Variants in YWHAQ observed in about 807,000 individuals in gnomAD.
YWHAQ encodes 14-3-3 protein theta.
A neutral mutation model predicts 28.3 loss-of-function variants in YWHAQ; 6 were observed. The ratio of observed to expected loss-of-function variants is 0.21; its 90% CI spans 0.12 to 0.42. The LOEUF (loss-of-function observed/expected upper bound fraction) is 0.42. Among genes scored for constraint, YWHAQ ranks in the 10% least tolerant of loss-of-function variants. The probability of loss-of-function intolerance (pLI) is 1.00; values close to 1 mark genes in which losing one functional copy is unlikely to be tolerated. For missense variants in YWHAQ, 201 were observed against 305.6 expected, an observed-to-expected ratio of 0.66 and a Z score of 2.55; for synonymous variants, 143 against 119.1, an observed-to-expected ratio of 1.20 and a Z score of -1.31.
chr2:9,622,466 T>C (rs1393798752), intron 2 of YWHAQ, among the ~76,000 whole-genome samples: 1 of 152,212 alleles, frequency 6.6e-6, no homozygotes, highest in Admixed American at 6.5e-5. Context: ...TTATCAATTT[T>C]CCTACTAGTG....
At chr2:9,592,398 T>C (rs1307024339) in intron 2 of YWHAQ, among the ~76,000 whole-genome samples, 1 of 152,004 alleles carries the variant, frequency 6.6e-6, no homozygotes, top group Non-Finnish European at 1.5e-5. Context: ...TCTTCTTAGA[T>C]TCCATTTTTC....
Position 9,588,157 on chromosome 2 carries a change from C to T in YWHAQ, c.582+8G>A. Reference sequence around the variant, plus strand: ...CTAAAGTACGTATTTCCTGGACACACATCTTACCGTTTTAGCCAGCGTGCA... The same window carrying T: ...CTAAAGTACGTATTTCCTGGACACATATCTTACCGTTTTAGCCAGCGTGCA... On this transcript the variant is annotated splice_region_variant and intron_variant, in intron 4 of 5. Coordinates refer to ENST00000238081, the MANE Select transcript of YWHAQ (RefSeq NM_006826.4). The T allele has an allele frequency of 1.9e-6, 3 of 1,540,384 alleles. No individual in the cohort carries two copies. The highest frequency in any genetic ancestry group is 2.6e-6 in the Non-Finnish European group (3 of 1,153,208).
intron 2 of YWHAQ, among the ~76,000 whole-genome samples, chr2:9,627,998 T>C (rs551705284): frequency 6.6e-6 from 1 of 152,362 alleles, no homozygotes; most frequent in African/African-American, 2.4e-5. Context: ...GGGAATATTG[T>C]GGTATTTATG....
At chr2:9,614,759 C>T (rs17362853) in intron 2 of YWHAQ, among the ~76,000 whole-genome samples, 23,524 of 152,102 alleles carry the variant, frequency 0.15, 2,397 homozygotes, top group Middle Eastern at 0.25. Context: ...ATAGAAATTA[C>T]GTCATTATTT....
At chr2:9,590,671 C>G (rs1295312949) in intron 3 of YWHAQ, among the ~76,000 whole-genome samples, 1 of 151,920 alleles carries the variant, frequency 6.6e-6, no homozygotes, top group African/African-American at 2.4e-5. Context: ...TCAAGTTAGG[C>G]AATTCGGTCA....
intron 2 of YWHAQ, among the ~76,000 whole-genome samples, chr2:9,600,845 G>A (rs1489391670): frequency 6.6e-6 from 1 of 152,216 alleles, no homozygotes; most frequent in Admixed American, 6.5e-5. Flanking sequence ...ATGGAGGCAA[G>A]ACCCTCCACC....
intron 2 of YWHAQ, among the ~76,000 whole-genome samples, chr2:9,598,829 C>T (rs1179030482): frequency 6.6e-6 from 1 of 152,146 alleles, no homozygotes; most frequent in Non-Finnish European, 1.5e-5. Flanking sequence ...ATTAATAACC[C>T]TACAATGGCC....
At position 9,587,323 on chromosome 2, in the gene YWHAQ, G is replaced by T. The variant is rs1476325778; in HGVS notation, c.678+91C>A. 5.3e-6 allele frequency: 6 copies of T among 1,133,074 alleles called. No individual in the cohort carries two copies. In the Admixed American group the frequency reaches 1.5e-4, roughly 27 times the overall value. The allele number at this position is 1,133,074 out of a possible 1,614,324, so 70.2% of individuals were successfully genotyped here. ...CGTATCTCATACTTTCAGCTCGTATGTATCTTCCCTAAAAGACACGAAGTC... is the reference window on the plus strand; with the variant it reads ...CGTATCTCATACTTTCAGCTCGTATTTATCTTCCCTAAAAGACACGAAGTC... On this transcript the variant is annotated intron_variant, in intron 5 of 5. Transcript: ENST00000238081.
At chr2:9,627,146 G>A (rs1051643278) in intron 2 of YWHAQ, among the ~76,000 whole-genome samples, 4 of 152,066 alleles carry the variant, frequency 2.6e-5, no homozygotes, top group African/African-American at 4.8e-5. Flanking sequence ...TTTCAATACC[G>A]TGATTATCAA....
chr2:9,630,840 G>C lies in YWHAQ; in HGVS notation c.-83+101C>G, dbSNP rs970044489. The C allele has an allele frequency of 5.2e-5, 8 of 152,430 alleles. No individual in the cohort carries two copies. Among genetic ancestry groups the C allele is most frequent in the Non-Finnish European group, 2.9e-5 (2 of 68,028 alleles). The allele number at this position is 152,430 out of a possible 1,614,324, so 9.4% of individuals were successfully genotyped here. A position where few individuals can be genotyped will look rare whatever the true frequency, so the allele number is the denominator to read the frequency against. On this transcript the variant is annotated intron_variant, in intron 1 of 5. Transcript: ENST00000238081. The surrounding 1 kb of genome is among the most constrained non-coding windows in gnomAD (Gnocchi z 5.6). The stretch of plus-strand genomic sequence containing the variant: ...TCCCGCCCGGAGCCGTCCCTGAGGG[G>C]AGCGGCATCGACAACCGGCTGCTCT...
chr2:9,627,381 C>T (rs1020787324), intron 2 of YWHAQ, among the ~76,000 whole-genome samples: 4 of 152,176 alleles, frequency 2.6e-5, no homozygotes, highest in Non-Finnish European at 5.9e-5. Context: ...AAAGAAAACC[C>T]TATGTTAGCA....
chr2:9,607,838 A>G (rs1359687182), intron 2 of YWHAQ, among the ~76,000 whole-genome samples: 1 of 151,410 alleles, frequency 6.6e-6, no homozygotes, highest in African/African-American at 2.4e-5. Context: ...CAGCCTCCCA[A>G]GTAGCTGGGA....
intron 2 of YWHAQ, among the ~76,000 whole-genome samples, chr2:9,611,884 G>C (rs535147831): frequency 5.9e-5 from 9 of 152,276 alleles, no homozygotes; most frequent in African/African-American, 1.9e-4. Context: ...GGCCAGGCTG[G>C]TCTCAAACTC....
chr2:9,613,291 T>A (rs74496323), intron 2 of YWHAQ, among the ~76,000 whole-genome samples: 10,973 of 152,268 alleles, frequency 0.072, 494 homozygotes, highest in Non-Finnish European at 0.1. Context: ...ACTTTTGAGA[T>A]TTAAGTCTAA....
chr2:9,600,011 A>G (rs1666655914), intron 2 of YWHAQ, among the ~76,000 whole-genome samples: 1 of 152,220 alleles, frequency 6.6e-6, no homozygotes, highest in African/African-American at 2.4e-5. Context: ...ATTAACATTA[A>G]CAACAGTTTG....
intron 2 of YWHAQ, among the ~76,000 whole-genome samples, chr2:9,597,187 A>T (rs777357026): frequency 6.6e-6 from 1 of 152,198 alleles, no homozygotes; most frequent in Admixed American, 6.5e-5. Flanking sequence ...GTTAGAATTA[A>T]ATCTCATAAA....
At chr2:9,611,328 A>G (rs1187779793) in intron 2 of YWHAQ, among the ~76,000 whole-genome samples, 1 of 152,096 alleles carries the variant, frequency 6.6e-6, no homozygotes, top group Non-Finnish European at 1.5e-5. Context: ...TGCCTCCTGA[A>G]AGAGAACATA....
intron 2 of YWHAQ, among the ~76,000 whole-genome samples, chr2:9,612,754 C>G (rs114471046): frequency 5.9e-5 from 9 of 152,248 alleles, no homozygotes; most frequent in Non-Finnish European, 1.0e-4. Flanking sequence ...GTATCTCCAG[C>G]ACTACTCAAA....
At chr2:9,585,366 T>G in intron 5 of YWHAQ, 21 bp from the exon 6 acceptor site, 1 of 1,613,710 alleles carries the variant, frequency 6.2e-7, no homozygotes, top group Non-Finnish European at 8.5e-7. Context: ...AAGAATCATA[T>G]TAAGTTACTA....
Sources: gnomAD v4.1 joint callset for allele counts (sites outside exome capture counted in the v4.1 genomes callset) on GRCh38, gnomAD v4.1.1 for gene constraint, Gnocchi (gnomAD v3.1) non-coding constraint, MANE v1.5 for transcripts, NCBI Gene and HGNC (gene_info 2026-07-23, HGNC 2026-07-21) for gene names.